Variants in MDGA2 observed in about 807,000 individuals in gnomAD.
MDGA2 encodes MAM domain containing glycosylphosphatidylinositol anchor 2, also known as MAM domain-containing glycosylphosphatidylinositol anchor protein 2.
MDGA2 carries 40 observed loss-of-function variants against 117.8 expected under a neutral mutation model. That is an observed-to-expected ratio of 0.34 (90% CI 0.26 to 0.44). The LOEUF (loss-of-function observed/expected upper bound fraction) is 0.44, where lower values mean the gene tolerates loss of function less well. Ranked by LOEUF, MDGA2 falls within the 20% of genes least tolerant of loss-of-function variation. The probability of loss-of-function intolerance (pLI) is 1.00; values close to 1 mark genes in which losing one functional copy is unlikely to be tolerated. For missense variants in MDGA2, 1,123 were observed against 1,250.6 expected, an observed-to-expected ratio of 0.90 and a Z score of 1.54; for synonymous variants, 452 against 439.0, an observed-to-expected ratio of 1.03 and a Z score of -0.37.
intron 1 of MDGA2, among the ~76,000 whole-genome samples, chr14:47,354,933 C>T (rs1224514395): frequency 6.6e-6 from 1 of 152,054 alleles, no homozygotes; most frequent in Non-Finnish European, 1.5e-5. Flanking sequence ...AGAAGGGACC[C>T]AAGTATGCCC....
rs185932244 is a variant in MDGA2 at position 47,406,590 on chromosome 14, G to T, written c.281-105040C>A. 3.4e-4 allele frequency among the ~76,000 whole-genome samples: 52 copies of T among 152,076 alleles called. No homozygotes were observed. In the East Asian group the frequency reaches 3.9e-3, roughly 11 times the overall value. On this transcript the variant is annotated intron_variant, in intron 1 of 16. Transcript: ENST00000399232. ...TCTTCTTCTAGGGATAAATCAGAAAGAATAGACAGAAAGAGACATGAAATA... is the reference window on the plus strand; with the variant it reads ...TCTTCTTCTAGGGATAAATCAGAAATAATAGACAGAAAGAGACATGAAATA...
At chr14:47,321,524 A>G (rs1480521937) in intron 1 of MDGA2, among the ~76,000 whole-genome samples, 1 of 152,200 alleles carries the variant, frequency 6.6e-6, no homozygotes, top group East Asian at 1.9e-4. Flanking sequence ...GTCTCCCACC[A>G]GAGAATGAGA....
chr14:47,108,561 C>A (rs952200565), intron 5 of MDGA2, among the ~76,000 whole-genome samples: 3 of 148,158 alleles, frequency 2.0e-5, no homozygotes, highest in African/African-American at 4.9e-5. Context: ...GAGCACCTTG[C>A]GACCCCCACT....
At position 47,537,573 on chromosome 14, in the gene MDGA2, T is replaced by TAAAAAAAAAAAAAAAAA. The variant is rs1566504353; in HGVS notation, c.280+136943_280+136944insTTTTTTTTTTTTTTTTT. ...ATTATCCACTGTTACCTTCTCTCTG[T>TAAAAAAAAAAAAAAAAA]TAAAAAAAAAAAAAAAAAAAAAAAA... On this transcript the variant is annotated intron_variant, in intron 1 of 16. Coordinates refer to ENST00000399232, the MANE Select transcript of MDGA2 (RefSeq NM_001113498.3). Among the ~76,000 whole-genome samples the TAAAAAAAAAAAAAAAAA allele has an allele frequency of 3.3e-4, 19 of 57,108 alleles. 4 individuals are homozygous for TAAAAAAAAAAAAAAAAA. The highest frequency in any genetic ancestry group is 5.8e-4 in the African/African-American group (10 of 17,186). The allele number at this position is 57,108 out of a possible 152,430, so 37.5% of individuals were successfully genotyped here. A position where few individuals can be genotyped will look rare whatever the true frequency, so the allele number is the denominator to read the frequency against.
rs1882119053 is a variant in MDGA2 at position 46,873,911 on chromosome 14, A to G, written c.2593+134T>C. The G allele has an allele frequency of 6.4e-6, 5 of 785,834 alleles. No individual in the cohort carries two copies. The Admixed American group carries it at 9.6e-5, about 15-fold the overall frequency. 48.7% of individuals were successfully genotyped at this position (785,834 alleles called of 1,614,324 possible). A position where few individuals can be genotyped will look rare whatever the true frequency, so the allele number is the denominator to read the frequency against. On this transcript the variant is annotated intron_variant, in intron 13 of 16. Transcript: ENST00000399232. ...TCTACAAAGTTTTGTAAATATCTAA[A>G]TTGATACTGTACAGAAAATTTAATA...
chr14:46,882,408 G>A (rs1039252845), intron 10 of MDGA2, among the ~76,000 whole-genome samples, 187 bp from the exon 11 acceptor site: 1 of 151,196 alleles, frequency 6.6e-6, no homozygotes, highest in Non-Finnish European at 1.5e-5. Context: ...ATGTTTGCAG[G>A]TAATTGCCAA....
chr14:46,960,022 G>A (rs1175377318), intron 8 of MDGA2, among the ~76,000 whole-genome samples: 6 of 151,996 alleles, frequency 3.9e-5, no homozygotes, highest in Admixed American at 1.3e-4. Flanking sequence ...AGGACTTCGA[G>A]ACCAGCCTGG....
intron 9 of MDGA2, among the ~76,000 whole-genome samples, chr14:46,941,104 C>T (rs1158010086): frequency 1.3e-5 from 2 of 152,148 alleles, no homozygotes; most frequent in Admixed American, 6.5e-5. Flanking sequence ...CAAATAACTG[C>T]TCTTATCACC....
chr14:47,010,619 A>C (rs917893605), intron 8 of MDGA2, among the ~76,000 whole-genome samples: 1 of 151,998 alleles, frequency 6.6e-6, no homozygotes, highest in Admixed American at 6.6e-5. Context: ...CATTAACACA[A>C]TGCAAAACAC....
rs573154110 is a variant in MDGA2, at chr14:47,063,481, T to A, written c.1196-1903A>T. Among the ~76,000 whole-genome samples, 5 of 152,122 alleles carry A rather than the reference T, an allele frequency of 3.3e-5. No individual in the cohort carries two copies. In the South Asian group the frequency reaches 1.0e-3, roughly 31 times the overall value. ...TTGGGAAGGGAAATGTGATGAAATGTCCATATCTGGCTGCCATATTTGGTA... is the reference window on the plus strand; with the variant it reads ...TTGGGAAGGGAAATGTGATGAAATGACCATATCTGGCTGCCATATTTGGTA... On this transcript the variant is annotated intron_variant, in intron 6 of 16. Transcript: ENST00000399232.
At chr14:47,210,030 G>A (rs774930576) in intron 3 of MDGA2, among the ~76,000 whole-genome samples, 1 of 152,054 alleles carries the variant, frequency 6.6e-6, no homozygotes, top group Non-Finnish European at 1.5e-5. Context: ...CAAGTTGATG[G>A]TTCCAATAAA....
intron 10 of MDGA2, among the ~76,000 whole-genome samples, chr14:46,904,457 G>A (rs1907622): frequency 0.024 from 3,650 of 151,988 alleles, 141 homozygotes; most frequent in African/African-American, 0.083. Context: ...TAGCAGAAGT[G>A]CTAATTAGGA....
At chr14:47,148,232 T>C (rs758568409) in intron 3 of MDGA2, among the ~76,000 whole-genome samples, 2 of 152,146 alleles carry the variant, frequency 1.3e-5, no homozygotes, top group Non-Finnish European at 2.9e-5. Flanking sequence ...CTTTTTCCCT[T>C]TCTGGGAACT....
intron 9 of MDGA2, among the ~76,000 whole-genome samples, chr14:46,933,470 T>C (rs8004049): frequency 0.3 from 45,852 of 151,494 alleles, 7,334 homozygotes; most frequent in South Asian, 0.53. Flanking sequence ...ATCTGATTAG[T>C]CTATATAATA....
chr14:47,108,315 T>C (rs1176860661), intron 5 of MDGA2, among the ~76,000 whole-genome samples: 2 of 152,178 alleles, frequency 1.3e-5, no homozygotes, highest in African/African-American at 4.8e-5. Context: ...AAGGCAGGAA[T>C]ATCAGGCCTC....
chr14:46,897,626 A>G (rs1456773952), intron 10 of MDGA2, among the ~76,000 whole-genome samples: 1 of 75,190 alleles, frequency 1.3e-5, no homozygotes, highest in African/African-American at 3.7e-5. Context: ...ATTAATATAT[A>G]TAAAGCACTT....
intron 4 of MDGA2, among the ~76,000 whole-genome samples, chr14:47,140,055 T>C (rs1420222750): frequency 6.6e-6 from 1 of 151,828 alleles, no homozygotes; most frequent in Non-Finnish European, 1.5e-5. Flanking sequence ...TCTGAGATGA[T>C]GAGTCCTCAG....
intron 3 of MDGA2, among the ~76,000 whole-genome samples, chr14:47,168,002 T>A (rs1883957081): frequency 6.6e-6 from 1 of 152,192 alleles, no homozygotes; most frequent in Non-Finnish European, 1.5e-5. Context: ...ACATTGTTTA[T>A]GGATAAATAT....
chr14:47,080,731 T>C (rs535403808), intron 6 of MDGA2, among the ~76,000 whole-genome samples: 31 of 152,270 alleles, frequency 2.0e-4, no homozygotes, highest in African/African-American at 6.3e-4. Context: ...CCTTTTCCAT[T>C]GTGTTTCATA....
Sources: gnomAD v4.1 joint callset for allele counts (sites outside exome capture counted in the v4.1 genomes callset) on GRCh38, gnomAD v4.1.1 for gene constraint, MANE v1.5 for transcripts, NCBI Gene and HGNC (gene_info 2026-07-23, HGNC 2026-07-21) for gene names.